Variants in NLN observed in about 807,000 individuals in gnomAD.
The protein encoded by NLN is neurolysin, also known as neurolysin, mitochondrial.
In NLN, 64 loss-of-function variants were observed where a neutral mutation model predicts 79.9. The ratio of observed to expected loss-of-function variants is 0.80; its 90% CI spans 0.65 to 0.99. The LOEUF is 0.99. NLN is among the 50% of genes least tolerant of loss of function. The pLI, the probability that NLN is intolerant of heterozygous loss-of-function variation, is 0.00. For missense variants in NLN, 835 were observed against 858.7 expected, an observed-to-expected ratio of 0.97 and a Z score of 0.34; for synonymous variants, 267 against 296.6, an observed-to-expected ratio of 0.90 and a Z score of 1.02.
At position 65,739,030 on chromosome 5, in the gene NLN, A is replaced by AAT. The variant is rs1212146039; in HGVS notation, c.41+16626_41+16627dup. ...TATATATTTATATATATAAATATAT[A>AAT]ATATATATATAAAAAATATATATAA... On this transcript the variant is annotated intron_variant, in intron 1 of 12. Coordinates refer to ENST00000380985, the MANE Select transcript of NLN (RefSeq NM_020726.5). Among the ~76,000 whole-genome samples the AAT allele has an allele frequency of 1.6e-4, 22 of 135,058 alleles. 2 individuals carry two copies. The highest frequency in any genetic ancestry group is 3.8e-4 in the Admixed American group (5 of 13,018). 88.6% of individuals were successfully genotyped at this position (135,058 alleles called of 152,430 possible). A position where few individuals can be genotyped will look rare whatever the true frequency, so the allele number is the denominator to read the frequency against.
chr5:65,739,692 T>G (rs1379769098), intron 1 of NLN, among the ~76,000 whole-genome samples: 1 of 152,228 alleles, frequency 6.6e-6, no homozygotes, highest in Non-Finnish European at 1.5e-5. Context: ...TTTTCCATAA[T>G]AGCTATTTTA....
chr5:65,788,690 G>C (rs1483774823), intron 8 of NLN, among the ~76,000 whole-genome samples: 1 of 152,062 alleles, frequency 6.6e-6, no homozygotes, highest in South Asian at 2.1e-4. Flanking sequence ...TTAAAAATTA[G>C]GTCAAGTGTG....
chr5:65,786,309 A>G (rs554358854), intron 7 of NLN, among the ~76,000 whole-genome samples: 1 of 152,336 alleles, frequency 6.6e-6, no homozygotes, highest in East Asian at 1.9e-4. Context: ...CATAAACAAA[A>G]AACATTTAAT....
At chr5:65,767,995 C>T (rs1043913099) in intron 3 of NLN, among the ~76,000 whole-genome samples, 3 of 152,144 alleles carry the variant, frequency 2.0e-5, no homozygotes, top group African/African-American at 7.2e-5. Flanking sequence ...CTTCATTGTC[C>T]ATATCATTAT....
At chr5:65,780,678 T>C (rs928799853) in intron 5 of NLN, among the ~76,000 whole-genome samples, 2 of 152,206 alleles carry the variant, frequency 1.3e-5, no homozygotes. Flanking sequence ...TTCTTTTCTT[T>C]TCTTTTCTTT....
chr5:65,787,515 A>G (rs1759956832), intron 7 of NLN, among the ~76,000 whole-genome samples: 1 of 152,252 alleles, frequency 6.6e-6, no homozygotes, highest in South Asian at 2.1e-4. Flanking sequence ...ACATAAGACC[A>G]TACTCATTTA....
chr5:65,787,334 G>A (rs1759953078), intron 7 of NLN, among the ~76,000 whole-genome samples: 1 of 151,534 alleles, frequency 6.6e-6, no homozygotes, highest in African/African-American at 2.4e-5. Flanking sequence ...ATATATATAT[G>A]GAAAACTATA....
At chr5:65,797,705 A>G (rs908451920) in intron 9 of NLN, among the ~76,000 whole-genome samples, 2 of 152,262 alleles carry the variant, frequency 1.3e-5, no homozygotes, top group African/African-American at 4.8e-5. Flanking sequence ...TACGTGAAGT[A>G]TTCTTGAAAC....
intron 4 of NLN, among the ~76,000 whole-genome samples, chr5:65,778,608 A>G (rs1182067609): frequency 6.6e-6 from 1 of 152,192 alleles, no homozygotes; most frequent in African/African-American, 2.4e-5. Flanking sequence ...GCAGCTAACA[A>G]AACCCTGTTT....
At chr5:65,775,513 C>G (rs1484101085) in intron 3 of NLN, among the ~76,000 whole-genome samples, 1 of 152,226 alleles carries the variant, frequency 6.6e-6, no homozygotes, top group Non-Finnish European at 1.5e-5. Flanking sequence ...CTCCCAAGTC[C>G]CCTGCACATA....
At chr5:65,766,420 T>G (rs983870763) in intron 3 of NLN, among the ~76,000 whole-genome samples, 1 of 151,974 alleles carries the variant, frequency 6.6e-6, no homozygotes. Flanking sequence ...AACAATCAGA[T>G]CTTGTAAGAA....
At chr5:65,738,895 C>T (rs917603027) in intron 1 of NLN, among the ~76,000 whole-genome samples, 3 of 145,934 alleles carry the variant, frequency 2.1e-5, no homozygotes, top group Admixed American at 7.0e-5. Flanking sequence ...TAGCTGGGAT[C>T]ACAGGTGCGT....
chr5:65,759,426 A>G (rs1759294261), intron 2 of NLN, among the ~76,000 whole-genome samples: 1 of 151,852 alleles, frequency 6.6e-6, no homozygotes, highest in Non-Finnish European at 1.5e-5. Flanking sequence ...GTAAGTATAT[A>G]TATATATATA....
At chr5:65,789,775 A>C (rs1760015403) in intron 8 of NLN, among the ~76,000 whole-genome samples, 1 of 152,208 alleles carries the variant, frequency 6.6e-6, no homozygotes, top group Admixed American at 6.5e-5. Context: ...AAAATTGAGC[A>C]CCAAAATATT....
At chr5:65,736,003 GA>G (rs1377443482) in intron 1 of NLN, among the ~76,000 whole-genome samples, 10 of 152,236 alleles carry the variant, frequency 6.6e-5, no homozygotes, top group Middle Eastern at 3.4e-3. Context: ...CTAAAAGGAT[GA>G]AAAATGTGTC....
intron 1 of NLN, among the ~76,000 whole-genome samples, chr5:65,725,503 CTG>C (rs887575285): frequency 2.0e-5 from 3 of 152,196 alleles, no homozygotes; most frequent in African/African-American, 7.2e-5. Flanking sequence ...TAGTGGTTCA[CTG>C]TGTTATACAG....
At chr5:65,753,207 A>G (rs184360580) in intron 1 of NLN, among the ~76,000 whole-genome samples, 119 of 152,354 alleles carry the variant, frequency 7.8e-4, no homozygotes, top group African/African-American at 2.8e-3. Context: ...AAAGATGTGC[A>G]ATTATTGTGT....
intron 9 of NLN, among the ~76,000 whole-genome samples, chr5:65,800,719 C>T (rs544762923): frequency 4.0e-4 from 57 of 141,944 alleles, no homozygotes; most frequent in Middle Eastern, 3.5e-3. Flanking sequence ...GGGTCTCACT[C>T]TGTTGCCCAG....
At chr5:65,728,866 CAG>C (rs1428795109) in intron 1 of NLN, among the ~76,000 whole-genome samples, 1 of 152,164 alleles carries the variant, frequency 6.6e-6, no homozygotes, top group African/African-American at 2.4e-5. Flanking sequence ...TTGTTTGAGA[CAG>C]AGTCTCACTT....
Sources: allele counts gnomAD v4.1 joint callset (sites outside exome capture counted in the v4.1 genomes callset), GRCh38; gene constraint gnomAD v4.1.1; transcripts MANE v1.5; gene names NCBI Gene and HGNC (gene_info 2026-07-23, HGNC 2026-07-21).